RBFOX1: variants seen among roughly 807,000 people sequenced by gnomAD.
The protein encoded by RBFOX1 is RNA binding fox-1 homolog 1, also known as RNA binding protein fox-1 homolog 1.
Under a neutral mutation model 57.7 loss-of-function variants are expected in RBFOX1, and 8 were observed. The ratio of observed to expected loss-of-function variants is 0.14; its 90% confidence interval spans 0.08 to 0.25. RBFOX1 has a LOEUF of 0.25. Among genes scored for constraint, RBFOX1 ranks in the 10% least tolerant of loss-of-function variants. The pLI is 1.00. For synonymous variants in RBFOX1, 326 were observed against 222.4 expected (o/e 1.47, Z -4.15); for missense variants, 611 against 548.5 (o/e 1.11, Z -1.14).
At chr16:7,156,699 T>C (rs17142721) in intron 4 of RBFOX1, among the ~76,000 whole-genome samples, 33,086 of 152,072 alleles carry the variant, frequency 0.22, 3,945 homozygotes, top group African/African-American at 0.3. Context: ...TTCCCTTCTA[T>C]GAGTGAGACA....
At position 6,859,120 on chromosome 16, in the gene RBFOX1, T is replaced by TAC. The variant is rs2058445865; in HGVS notation, c.-15-192936_-15-192935insCA. Among the ~76,000 whole-genome samples, 10 of 86,426 alleles carry TAC rather than the reference T, an allele frequency of 1.2e-4. 1 individual carries two copies. The highest frequency in any genetic ancestry group is 2.3e-4 in the African/African-American group (3 of 12,784). The allele number at this position is 86,426 out of a possible 152,430, so 56.7% of individuals were successfully genotyped here. ...TTGTCCTAAAAAAAGTGTATATATA[T>TAC]ATATATATACATATATATACGTATA... On this transcript the variant is annotated intron_variant, in intron 3 of 15. Transcript: ENST00000550418.
intron 2 of RBFOX1, among the ~76,000 whole-genome samples, chr16:5,557,383 G>A (rs2045720263): frequency 6.8e-6 from 1 of 147,346 alleles, no homozygotes; most frequent in Non-Finnish European, 1.5e-5. Context: ...TACAATGGGA[G>A]TCAAGCACAT....
intron 1 of RBFOX1, among the ~76,000 whole-genome samples, chr16:6,248,193 A>G (rs1365006480): frequency 6.6e-6 from 1 of 152,110 alleles, no homozygotes; most frequent in East Asian, 1.9e-4. Flanking sequence ...AAGGAAATAG[A>G]ATAGGTTATG....
At chr16:6,506,123 C>T (rs572170307) in intron 2 of RBFOX1, among the ~76,000 whole-genome samples, 2 of 152,130 alleles carry the variant, frequency 1.3e-5, no homozygotes, top group Non-Finnish European at 2.9e-5. Flanking sequence ...TGGCACTGAG[C>T]TGAGAGTGGG....
At chr16:7,543,056 G>A (rs2083395812) in intron 5 of RBFOX1, among the ~76,000 whole-genome samples, 1 of 152,098 alleles carries the variant, frequency 6.6e-6, no homozygotes, top group Non-Finnish European at 1.5e-5. Flanking sequence ...TCCTATAGGT[G>A]GGGGAAAGAG....
At chr16:6,659,308 G>C (rs996619939) in intron 3 of RBFOX1, among the ~76,000 whole-genome samples, 2 of 151,970 alleles carry the variant, frequency 1.3e-5, no homozygotes, top group African/African-American at 2.4e-5. Context: ...AACAGTTTCA[G>C]ATCTGCTATA....
chr16:7,452,124 A>G (rs1478026049), intron 4 of RBFOX1, among the ~76,000 whole-genome samples: 1 of 152,234 alleles, frequency 6.6e-6, no homozygotes, highest in Non-Finnish European at 1.5e-5. Context: ...GTATAATGAA[A>G]CAGAGGAACA....
At chr16:7,010,492 A>G (rs2093602132) in intron 3 of RBFOX1, among the ~76,000 whole-genome samples, 1 of 151,800 alleles carries the variant, frequency 6.6e-6, no homozygotes, top group Non-Finnish European at 1.5e-5. Context: ...CCAGTGAAGG[A>G]GATGTGGGTT....
At chr16:5,748,249 A>G (rs547258364) in intron 3 of RBFOX1, among the ~76,000 whole-genome samples, 6,506 of 152,072 alleles carry the variant, frequency 0.043, 457 homozygotes, top group African/African-American at 0.15. Flanking sequence ...ACAGTTTGTT[A>G]TAATTTCTGT....
chr16:7,522,476 T>C (rs1306191393), intron 5 of RBFOX1, among the ~76,000 whole-genome samples: 1 of 152,092 alleles, frequency 6.6e-6, no homozygotes, highest in African/African-American at 2.4e-5. Flanking sequence ...TAGAAGACAA[T>C]AGTTTTGCTA....
At chr16:6,923,043 A>G (rs1248752904) in intron 3 of RBFOX1, among the ~76,000 whole-genome samples, 1 of 152,214 alleles carries the variant, frequency 6.6e-6, no homozygotes, top group African/African-American at 2.4e-5. Flanking sequence ...ACAGTGCAGT[A>G]CCGTCGGCTG....
At chr16:5,495,913 G>A (rs1567162074) in intron 2 of RBFOX1, among the ~76,000 whole-genome samples, 2 of 152,196 alleles carry the variant, frequency 1.3e-5, no homozygotes, top group Admixed American at 6.5e-5. Context: ...ATCACCTGAG[G>A]TCAGGAGTTT....
chr16:7,164,725 T>A (rs1467205725), intron 4 of RBFOX1, among the ~76,000 whole-genome samples: 1 of 152,238 alleles, frequency 6.6e-6, no homozygotes, highest in Admixed American at 6.5e-5. Context: ...CTCATGGCTG[T>A]ATAGAAGTCT....
At chr16:6,927,686 G>T (rs9635557) in intron 3 of RBFOX1, among the ~76,000 whole-genome samples, 1 of 151,402 alleles carries the variant, frequency 6.6e-6, no homozygotes, top group Non-Finnish European at 1.5e-5. Context: ...TGCCCTTTGG[G>T]GGAGCAGATT....
At chr16:6,195,245 A>G (rs2097172239) in intron 1 of RBFOX1, among the ~76,000 whole-genome samples, 1 of 152,184 alleles carries the variant, frequency 6.6e-6, no homozygotes, top group Admixed American at 6.5e-5. Flanking sequence ...GGCAATGTTT[A>G]GAGTCCGCCA....
At chr16:7,630,949 A>T (rs1394693222) in intron 11 of RBFOX1, among the ~76,000 whole-genome samples, 6 of 152,162 alleles carry the variant, frequency 3.9e-5, no homozygotes, top group Non-Finnish European at 8.8e-5. Flanking sequence ...GAGGGTGGGA[A>T]GCTTTAGCTC....
rs370020542 is a variant in RBFOX1, at chr16:7,082,000, C to G, written c.27+29902C>G. Among the ~76,000 whole-genome samples, 210 of 152,268 alleles carry G rather than the reference C, an allele frequency of 1.4e-3. 1 individual carries two copies. Among genetic ancestry groups the G allele is most frequent in the African/African-American group, 4.8e-3 (198 of 41,550 alleles). ...GAGATCACAACTGGAAATGAGCAGCCACGTGGCTGAAAGTGGAAGAAGCGA... is the reference window on the plus strand; with the variant it reads ...GAGATCACAACTGGAAATGAGCAGCGACGTGGCTGAAAGTGGAAGAAGCGA... On this transcript the variant is annotated intron_variant, in intron 4 of 15. Transcript: ENST00000550418.
chr16:7,593,133 G>C (rs1439783607), intron 7 of RBFOX1, among the ~76,000 whole-genome samples: 1 of 152,042 alleles, frequency 6.6e-6, no homozygotes. Flanking sequence ...TCTTTTGATG[G>C]TTTCGATCAC....
At chr16:7,699,870 GTT>G (rs1207900927) in intron 14 of RBFOX1, among the ~76,000 whole-genome samples, 2 of 152,082 alleles carry the variant, frequency 1.3e-5, no homozygotes, top group Admixed American at 1.3e-4. Flanking sequence ...TATTGAAAGA[GTT>G]TGTGTGTCCC....
Sources: gnomAD v4.1 joint callset for allele counts (sites outside exome capture counted in the v4.1 genomes callset) on GRCh38, gnomAD v4.1.1 for gene constraint, MANE v1.5 for transcripts, NCBI Gene and HGNC (gene_info 2026-07-23, HGNC 2026-07-21) for gene names.